LRGUK: variants seen among roughly 807,000 people sequenced by gnomAD.
LRGUK encodes the protein leucine-rich repeat and guanylate kinase domain-containing protein.
Under a neutral mutation model 76.0 loss-of-function variants are expected in LRGUK, and 65 were observed. That is an observed-to-expected ratio of 0.85 (90% confidence interval 0.70 to 1.05). LRGUK has a LOEUF of 1.05. LRGUK is among the 50% of genes least tolerant of loss of function. The pLI is 0.00. For synonymous variants in LRGUK, 268 were observed against 265.6 expected, an observed-to-expected ratio of 1.01 and a Z score of -0.09; for missense variants, 758 against 732.8, an observed-to-expected ratio of 1.03 and a Z score of -0.40.
intron 16 of LRGUK, among the ~76,000 whole-genome samples, chr7:134,247,278 C>T (rs1802327013): frequency 6.6e-6 from 1 of 151,994 alleles, no homozygotes; most frequent in South Asian, 2.1e-4. Context: ...GATAAAAATG[C>T]ACACATAAAA....
At position 134,220,291 on chromosome 7, in the gene LRGUK, C is replaced by T. The variant is rs547475679; in HGVS notation, c.1844-1488C>T. 5.9e-4 allele frequency among the ~76,000 whole-genome samples: 90 copies of T among 152,298 alleles called. 1 individual carries two copies. Among genetic ancestry groups the T allele is most frequent in the Non-Finnish European group, 9.0e-4 (61 of 68,018 alleles). ...TTGCATCTGTTCAAGCTCCCTTTCT[C>T]AAGACAGGGGCTAGGTGGAACTTTA... is the stretch of plus-strand genomic sequence containing the variant. On this transcript the variant is annotated intron_variant, in intron 15 of 19. Transcript: ENST00000285928.
chr7:134,186,383 C>T (rs1158618626), intron 11 of LRGUK, among the ~76,000 whole-genome samples: 1 of 152,176 alleles, frequency 6.6e-6, no homozygotes, highest in Non-Finnish European at 1.5e-5. Context: ...GTCTGCTTTC[C>T]CTGCTTGTCT....
At position 134,184,185 on chromosome 7, in the gene LRGUK, A is replaced by AT. The variant is rs1235870622; in HGVS notation, c.1334+333dup. 5.9e-5 allele frequency among the ~76,000 whole-genome samples: 9 copies of AT among 152,284 alleles called. No individual in the cohort carries two copies. In the East Asian group the frequency reaches 1.3e-3, roughly 23 times the overall value. On this transcript the variant is annotated intron_variant, in intron 11 of 15. Transcript: ENST00000645682. ...CTTGATTCTTGTGCCATTCTAATCGATATGGTAAAGATGATTGCTAAAGTG... is the reference window on the plus strand; with the variant it reads ...CTTGATTCTTGTGCCATTCTAATCGATTATGGTAAAGATGATTGCTAAAGTG...
intron 13 of LRGUK, among the ~76,000 whole-genome samples, chr7:134,198,112 C>T (rs1270714537): frequency 6.6e-6 from 1 of 152,112 alleles, no homozygotes; most frequent in Non-Finnish European, 1.5e-5. Flanking sequence ...ACATTTCTTC[C>T]AGCTCTTTAA....
At chr7:134,210,198 C>T (rs1741718462) in exon 16 of LRGUK, 1 of 399,292 alleles carries the variant, frequency 2.5e-6, no homozygotes. Context: ...CAGCCAGCTC[C>T]CACCATGGTG....
intron 1 of LRGUK, among the ~76,000 whole-genome samples, chr7:134,129,192 TCCTCCCTCCCTTCCTTCCTG>T (rs1455141639): frequency 7.9e-6 from 1 of 126,594 alleles, no homozygotes; most frequent in African/African-American, 3.0e-5. Context: ...CTTCCTTCCT[TCCTCCCTCCCTTCCTTCCTG>T]CCTCCCCCTC....
At chr7:134,215,370 G>A (rs1801409743) in intron 15 of LRGUK, among the ~76,000 whole-genome samples, 1 of 152,134 alleles carries the variant, frequency 6.6e-6, no homozygotes, top group South Asian at 2.1e-4. Context: ...GGAAAACCCT[G>A]CACTGAGTGC....
intron 14 of LRGUK, among the ~76,000 whole-genome samples, chr7:134,199,982 T>TTATATATATATATATA (rs71172442): frequency 5.2e-5 from 2 of 38,412 alleles, no homozygotes; most frequent in Non-Finnish European, 9.9e-5. Context: ...CTAGAAACTT[T>TTATATATATATATATA]TATATATATA....
At position 134,163,382 on chromosome 7, in the gene LRGUK, T is replaced by C; in HGVS notation, c.796-15T>C. 1.3e-6 allele frequency: 2 copies of C among 1,596,554 alleles called. No homozygotes were observed. The highest frequency in any genetic ancestry group is 1.7e-6 in the Non-Finnish European group (2 of 1,171,318). Reference sequence around the variant, plus strand: ...GAGGTCTTTGAGACATTAAATATATTTTTTTCTGTTTTAGAGCAATAACCA... The same window carrying C: ...GAGGTCTTTGAGACATTAAATATATCTTTTTCTGTTTTAGAGCAATAACCA... On this transcript the variant is annotated splice_polypyrimidine_tract_variant and intron_variant, in intron 6 of 15. Coordinates refer to ENST00000645682, the Ensembl canonical transcript of LRGUK.
intron 5 of LRGUK, among the ~76,000 whole-genome samples, chr7:134,150,273 T>A (rs1798157018): frequency 8.1e-6 from 1 of 124,038 alleles, no homozygotes; most frequent in African/African-American, 3.2e-5. Context: ...CGAGACTCTG[T>A]CTCAAAAAAC....
intron 16 of LRGUK, among the ~76,000 whole-genome samples, chr7:134,235,284 C>T (rs1187098614): frequency 6.6e-6 from 1 of 152,192 alleles, no homozygotes; most frequent in African/African-American, 2.4e-5. Flanking sequence ...TACCTCAGCT[C>T]CACTGACACT....
chr7:134,229,331 C>G (rs1801835019), intron 16 of LRGUK, among the ~76,000 whole-genome samples: 1 of 151,676 alleles, frequency 6.6e-6, no homozygotes, highest in Non-Finnish European at 1.5e-5. Context: ...CCACTGCGCT[C>G]CAGCCTGGGT....
the LRGUK span, among the ~76,000 whole-genome samples, chr7:134,272,111 G>A: frequency 1.1e-3 from 163 of 152,110 alleles, no homozygotes; most frequent in Non-Finnish European, 1.9e-3. Flanking sequence ...TCTGTCTAAT[G>A]CTTCACTATT....
the LRGUK span, among the ~76,000 whole-genome samples, chr7:134,272,870 TATTCTC>T: frequency 6.6e-6 from 1 of 152,214 alleles, no homozygotes; most frequent in African/African-American, 2.4e-5. Flanking sequence ...GAATTAATCT[TATTCTC>T]AGTCAATTCA....
At chr7:134,172,535 A>T (rs1158056764) in intron 7 of LRGUK, among the ~76,000 whole-genome samples, 2 of 152,204 alleles carry the variant, frequency 1.3e-5, no homozygotes, top group African/African-American at 4.8e-5. Context: ...CTTATGAAAC[A>T]AGTGAAATAC....
chr7:134,178,418 C>T (rs1799575734), intron 9 of LRGUK, 85 bp from the exon 10 acceptor site: 1 of 966,182 alleles, frequency 1.0e-6, no homozygotes, highest in East Asian at 2.6e-5. Flanking sequence ...ACGTGAACAA[C>T]ATTTCATTAA....
At chr7:134,148,384 C>A in intron 5 of LRGUK, 65 bp downstream of exon 5, 1 of 945,674 alleles carries the variant, frequency 1.1e-6, no homozygotes. Flanking sequence ...ACTACATATT[C>A]AAGAATTGTA....
intron 3 of LRGUK, 70 bp from the exon 4 acceptor site, chr7:134,142,992 C>T (rs1314696926): frequency 2.5e-6 from 2 of 802,546 alleles, no homozygotes; most frequent in African/African-American, 3.4e-5. Context: ...ATGTCATGTA[C>T]ACTGTTTTTA....
chr7:134,150,479 C>CAAAAAAAAAAAAAAAA (rs11403705), intron 5 of LRGUK, among the ~76,000 whole-genome samples: 1 of 134,568 alleles, frequency 7.4e-6, no homozygotes, highest in South Asian at 2.3e-4. Context: ...AACAAGCAAA[C>CAAAAAAAAAAAAAAAA]AAAAAAAAAA....
Sources: gnomAD v4.1 joint callset for allele counts (sites outside exome capture counted in the v4.1 genomes callset) on GRCh38, gnomAD v4.1.1 for gene constraint, MANE v1.5 for transcripts, NCBI Gene and HGNC (gene_info 2026-07-23, HGNC 2026-07-21) for gene names.